Variants in DPYSL3 observed in about 807,000 individuals in gnomAD.
DPYSL3 encodes the protein dihydropyrimidinase-related protein 3.
A neutral mutation model predicts 66.1 loss-of-function variants in DPYSL3; 16 were observed. That is an observed-to-expected ratio of 0.24 (90% CI 0.16 to 0.37). DPYSL3 has a LOEUF of 0.37. DPYSL3 is among the 10% of genes least tolerant of loss of function. The pLI, the probability that DPYSL3 is intolerant of heterozygous loss-of-function variation, is 1.00. For missense variants in DPYSL3, 738 were observed against 916.2 expected (o/e 0.81, Z 2.51); for synonymous variants, 338 against 345.1 (o/e 0.98, Z 0.23).
At chr5:147,436,585 T>C (rs1018042179) in intron 1 of DPYSL3, among the ~76,000 whole-genome samples, 2 of 152,230 alleles carry the variant, frequency 1.3e-5, no homozygotes, top group African/African-American at 4.8e-5. Context: ...TCTATTTATT[T>C]ACATTATTTC....
intron 1 of DPYSL3, among the ~76,000 whole-genome samples, chr5:147,474,440 A>G (rs1753127138): frequency 6.6e-6 from 1 of 152,120 alleles, no homozygotes; most frequent in Non-Finnish European, 1.5e-5. Context: ...CACAAAGGGA[A>G]GTACTTTTAC....
chr5:147,425,300 A>G (rs2126331441), intron 1 of DPYSL3, among the ~76,000 whole-genome samples: 1 of 152,354 alleles, frequency 6.6e-6, no homozygotes, highest in African/African-American at 2.4e-5. Context: ...TTAAAGTGGG[A>G]TAACATATGC....
chr5:147,410,508 C>T (rs544187515), intron 6 of DPYSL3, among the ~76,000 whole-genome samples: 2 of 152,274 alleles, frequency 1.3e-5, no homozygotes, highest in Admixed American at 1.3e-4. Context: ...TGGCATTCAT[C>T]ACAGCTACAG....
intron 6 of DPYSL3, among the ~76,000 whole-genome samples, chr5:147,410,117 G>A (rs550065874): frequency 5.9e-5 from 9 of 152,212 alleles, no homozygotes; most frequent in African/African-American, 2.2e-4. Flanking sequence ...AAAGTCTAGT[G>A]AGTTTCTACT....
At chr5:147,462,325 A>C (rs1373158910) in intron 1 of DPYSL3, among the ~76,000 whole-genome samples, 4 of 152,166 alleles carry the variant, frequency 2.6e-5, no homozygotes, top group Non-Finnish European at 5.9e-5. Context: ...ACCATAATAT[A>C]GTCTGAAAGA....
At chr5:147,417,416 C>T (rs1163727042) in intron 3 of DPYSL3, among the ~76,000 whole-genome samples, 1 of 152,166 alleles carries the variant, frequency 6.6e-6, no homozygotes, top group Non-Finnish European at 1.5e-5. Flanking sequence ...GAGAATTGCA[C>T]CCTGAATTGC....
At chr5:147,400,977 G>T in intron 9 of DPYSL3, 144 bp from the exon 10 acceptor site, 1 of 1,114,702 alleles carries the variant, frequency 9.0e-7, no homozygotes, top group Non-Finnish European at 1.2e-6. Context: ...AGATATATGA[G>T]CTTGGATGAG....
In DPYSL3 at chr5:147,407,174, A is replaced by G. The variant is rs1191685596; in HGVS notation, c.1033-1444T>C. ...CCATGCTGACCACTTCAGCTCCCCC[A>G]GGACCTCTGTCCTGGTCCCTTTGAT... On this transcript the variant is annotated intron_variant, in intron 7 of 13. Coordinates refer to ENST00000343218, the MANE Select transcript of DPYSL3 (RefSeq NM_001197294.2). Among the ~76,000 whole-genome samples, 7 of 152,226 alleles carry G rather than the reference A, an allele frequency of 4.6e-5. No individual in the cohort carries two copies. The East Asian group carries it at 1.4e-3, about 30-fold the overall frequency.
intron 1 of DPYSL3, among the ~76,000 whole-genome samples, chr5:147,492,408 C>T (rs1320523623): frequency 1.3e-5 from 2 of 151,886 alleles, no homozygotes; most frequent in Non-Finnish European, 2.9e-5. Context: ...CTTAATGTAT[C>T]TAACAGATAA....
chr5:147,396,960 T>TTA (rs10649832), intron 12 of DPYSL3, among the ~76,000 whole-genome samples: 66,351 of 147,282 alleles, frequency 0.45, 15,687 homozygotes, highest in African/African-American at 0.56. Context: ...ATACGCATTT[T>TTA]TGTTTTTAAT....
At chr5:147,429,446 C>A (rs917288391) in intron 1 of DPYSL3, among the ~76,000 whole-genome samples, 1 of 152,106 alleles carries the variant, frequency 6.6e-6, no homozygotes, top group Non-Finnish European at 1.5e-5. Flanking sequence ...GATAGTAATA[C>A]TTAGCTCACA....
At chr5:147,395,047 T>C (rs1447948945) in intron 13 of DPYSL3, among the ~76,000 whole-genome samples, 1 of 152,234 alleles carries the variant, frequency 6.6e-6, no homozygotes, top group East Asian at 1.9e-4. Context: ...ACTAATCACA[T>C]GGCTAACACA....
chr5:147,470,407 C>T (rs918314458), intron 1 of DPYSL3, among the ~76,000 whole-genome samples: 2 of 152,128 alleles, frequency 1.3e-5, no homozygotes, highest in Non-Finnish European at 2.9e-5. Flanking sequence ...GTCATCTTCA[C>T]TGGAAACCCG....
chr5:147,404,405 G>A (rs940270127), intron 8 of DPYSL3, among the ~76,000 whole-genome samples: 3 of 152,200 alleles, frequency 2.0e-5, no homozygotes, highest in Non-Finnish European at 2.9e-5. Context: ...AGCCATCAGC[G>A]TCAGCTGAGA....
chr5:147,445,729 T>C (rs1752618973), intron 1 of DPYSL3, among the ~76,000 whole-genome samples: 1 of 152,190 alleles, frequency 6.6e-6, no homozygotes, highest in Admixed American at 6.5e-5. Flanking sequence ...TTGTTTTTGG[T>C]TTGTTTTCTT....
intron 1 of DPYSL3, among the ~76,000 whole-genome samples, chr5:147,440,614 C>T (rs1379772217): frequency 6.6e-6 from 1 of 152,212 alleles, no homozygotes; most frequent in East Asian, 1.9e-4. Context: ...TGTGAAAGTG[C>T]AGCCATGGGG....
At chr5:147,450,928 C>G (rs1171532772) in intron 1 of DPYSL3, among the ~76,000 whole-genome samples, 1 of 152,062 alleles carries the variant, frequency 6.6e-6, no homozygotes, top group African/African-American at 2.4e-5. Context: ...TTAAAATGTA[C>G]TAGAATTGAT....
chr5:147,393,945 G>T lies in DPYSL3; in HGVS notation c.*90C>A. The T allele has an allele frequency of 7.6e-7, 1 of 1,322,988 alleles. No individual in the cohort carries two copies. Among genetic ancestry groups the T allele is most frequent in the Non-Finnish European group, 1.1e-6 (1 of 925,976 alleles). The allele number at this position is 1,322,988 out of a possible 1,614,324, so 82.0% of individuals were successfully genotyped here. A position where few individuals can be genotyped will look rare whatever the true frequency, so the allele number is the denominator to read the frequency against. On this transcript the variant is annotated 3_prime_UTR_variant, in exon 14 of 14. Transcript: ENST00000343218. The stretch of plus-strand genomic sequence containing the variant: ...TGATTCTTTAGATCACAACCGTTTG[G>T]ATTCGCTTTCCTTCTTAAATATCGG...
At chr5:147,397,553 A>G in intron 12 of DPYSL3, 113 bp downstream of exon 12, 2 of 1,157,228 alleles carry the variant, frequency 1.7e-6, no homozygotes, top group Non-Finnish European at 2.4e-6. Context: ...ACTGTCACTG[A>G]ATTTCTCTGT....
Sources: allele counts gnomAD v4.1 joint callset (sites outside exome capture counted in the v4.1 genomes callset), GRCh38; gene constraint gnomAD v4.1.1; transcripts MANE v1.5; gene names NCBI Gene and HGNC (gene_info 2026-07-23, HGNC 2026-07-21).